The following HPS4 variants were observed in gnomAD, a reference collection of about 807,000 sequenced individuals.
The protein encoded by HPS4 is HPS4 biogenesis of lysosomal organelles complex 3 subunit 2.
HPS4 carries 44 observed loss-of-function variants against 70.3 expected under a neutral mutation model. The observed-to-expected ratio is 0.63, with a 90% CI of 0.49 to 0.80. The LOEUF (loss-of-function observed/expected upper bound fraction) is 0.80. Among genes scored for constraint, HPS4 ranks in the 30% least tolerant of loss-of-function variants. The pLI is 0.00. For missense variants in HPS4, 873 were observed against 884.4 expected, an observed-to-expected ratio of 0.99 and a Z score of 0.16; for synonymous variants, 377 against 355.9, an observed-to-expected ratio of 1.06 and a Z score of -0.67.
At chr22:26,444,946 C>A (rs956699971) in intron 3 of HPS4, 1 of 152,192 alleles carries the variant, frequency 6.6e-6, no homozygotes, top group Admixed American at 6.5e-5. Flanking sequence ...GCGCAGGTAC[C>A]TAGCTACCTG....
chr22:26,458,003 C>T, intron 12 of HPS4, 36 bp from the exon 13 acceptor site: 1 of 1,513,306 alleles, frequency 6.6e-7, no homozygotes, highest in Middle Eastern at 1.9e-4. Flanking sequence ...GAAGAGCAGA[C>T]AGTTACCTTC....
chr22:26,466,398 G>C, intron 8 of HPS4, 136 bp from the exon 9 acceptor site: 1 of 942,738 alleles, frequency 1.1e-6, no homozygotes, highest in Non-Finnish European at 1.7e-6. Flanking sequence ...CATGCTAAGA[G>C]CCAAGCAGAT....
downstream of HPS4, chr22:26,444,204 T>G (rs2084886587): frequency 6.6e-6 from 1 of 151,838 alleles, no homozygotes; most frequent in Non-Finnish European, 1.5e-5. Context: ...GTTTCTGTTT[T>G]GCTTTGGAGT....
chr22:26,453,293 G>A lies in HPS4; in HGVS notation c.2067C>T (p.Ala689=). The A allele has an allele frequency of 6.2e-7, 1 of 1,614,218 alleles. No individual in the cohort carries two copies. The change falls in exon 14 of 14, where the codon GCC becomes GCT. Residue 689 remains alanine, a synonymous_variant. Coordinates refer to ENST00000398145, the MANE Select transcript of HPS4 (RefSeq NM_022081.6). ...SSGFPNPQDG[A]FSLSGKAKQK... The stretch of plus-strand genomic sequence containing the variant: ...GCTTTGCTTTGCCGGAGAGGCTGAA[G>A]GCGCCATCCTGAGGGTTTGGGAAGC...
intron 7 of HPS4, 101 bp downstream of exon 7, chr22:26,470,618 C>G (rs1023798780): frequency 1.0e-5 from 12 of 1,173,888 alleles, no homozygotes; most frequent in East Asian, 4.8e-5. Flanking sequence ...CCACTTGGAA[C>G]TGGCCAGAGA....
At chr22:26,450,646 C>T (rs890716568), downstream of HPS4, among the ~76,000 whole-genome samples, 6 of 152,196 alleles carry the variant, frequency 3.9e-5, no homozygotes, top group East Asian at 3.9e-4. Flanking sequence ...CCCCACATGT[C>T]GTGGGAGGGA....
chr22:26,464,433 A>T lies in HPS4; in HGVS notation c.1197T>A (p.Ala399=), dbSNP rs373523675. ...CGCTGAGAGATGCCTTGCAGTAAGG[A>T]GCCCTGCCATCTGGAACAGGCACAT... ...FLHVPVPDGR[A]PYCKASLSAS... The change falls in exon 11 of 14, where the codon GCT becomes GCA. Residue 399 remains alanine, a synonymous_variant. Transcript: ENST00000398145. 2.7e-5 allele frequency: 44 copies of T among 1,614,186 alleles called. No homozygotes were observed. In the African/African-American group the frequency reaches 5.3e-4, roughly 20 times the overall value.
rs758970516 is a variant in HPS4 at position 26,458,506 on chromosome 22, T to C, written c.1785A>G (p.Ala595=). 6.8e-6 allele frequency: 11 copies of C among 1,614,070 alleles called. No homozygotes were observed. The East Asian group carries it at 2.2e-4, about 33-fold the overall frequency. ...HLKETLPRDE[A]ASTSSTYNFT... is the part of the protein sequence containing the mutation. Reference sequence around the variant, plus strand: ...AGTTGTAGGTGCTGCTCGTGGAGGCTGCCTCATCCCTGGGCAGCGTCTCTT... The same window carrying C: ...AGTTGTAGGTGCTGCTCGTGGAGGCCGCCTCATCCCTGGGCAGCGTCTCTT... The change falls in exon 12 of 14, where the codon GCA becomes GCG. Residue 595 remains alanine, a synonymous_variant. Coordinates refer to ENST00000398145, the MANE Select transcript of HPS4 (RefSeq NM_022081.6).
rs1054323021 is a variant in HPS4, at chr22:26,458,685, G to A, written c.1714-108C>T. On this transcript the variant is annotated intron_variant, in intron 11 of 13. Transcript: ENST00000398145. ...AAAAAAAAATCCTCCAGCCAGGCAC[G>A]GTGGCTCACACCTGTAATCCCAGTG... is the stretch of plus-strand genomic sequence containing the variant. 1.8e-4 allele frequency: 236 copies of A among 1,315,426 alleles called. 1 individual carries two copies. Among genetic ancestry groups the A allele is most frequent in the South Asian group, 3.4e-4 (26 of 75,634 alleles). 81.5% of individuals were successfully genotyped at this position (1,315,426 alleles called of 1,614,324 possible).
At chr22:26,443,511 T>C (rs1003916454), downstream of HPS4, 7 of 241,346 alleles carry the variant, frequency 2.9e-5, no homozygotes, top group African/African-American at 1.4e-4. Flanking sequence ...CTTAGTGCCC[T>C]TGTAAGTCTG....
At chr22:26,474,325 T>C (rs1367966415) in intron 4 of HPS4, among the ~76,000 whole-genome samples, 2 of 150,372 alleles carry the variant, frequency 1.3e-5, no homozygotes. Context: ...GGAAATCCAA[T>C]AGGGAAAGGA....
Position 26,472,842 on chromosome 22 carries a change from A to G in HPS4, c.374T>C (p.Leu125Pro), listed in dbSNP as rs2090027205. The change falls in exon 5 of 14, where the codon CTA (leucine) becomes CCA (proline). Residue 125 changes from leucine to proline, a missense_variant. Leu to Pro is a moderately conservative substitution (Grantham distance 98). Coordinates refer to ENST00000398145, the MANE Select transcript of HPS4 (RefSeq NM_022081.6). Reference sequence around the variant, plus strand: ...ACCCCATACTTGTACCTCATAAGCTAGGGAAACAGGTCCATTGTAAAAATT... The same window carrying G: ...ACCCCATACTTGTACCTCATAAGCTGGGGAAACAGGTCCATTGTAAAAATT... ...FFNFYNGPVS[L>P]AYENCSQEEL... The G allele has an allele frequency of 4.3e-6, 7 of 1,613,268 alleles. No individual in the cohort carries two copies. The East Asian group carries it at 1.3e-4, about 31-fold the overall frequency.
rs780435239 is a variant in HPS4, at chr22:26,464,432, G to C, written c.1198C>G (p.Pro400Ala). Reference sequence around the variant, plus strand: ...GCGCTGAGAGATGCCTTGCAGTAAGGAGCCCTGCCATCTGGAACAGGCACA... The same window carrying C: ...GCGCTGAGAGATGCCTTGCAGTAAGCAGCCCTGCCATCTGGAACAGGCACA... ...LHVPVPDGRA[P>A]YCKASLSASS... The change falls in exon 11 of 14, where the codon CCT becomes GCT. Residue 400 changes from proline to alanine, a missense_variant. Pro to Ala is a conservative substitution (Grantham distance 27). Coordinates refer to ENST00000398145, the MANE Select transcript of HPS4 (RefSeq NM_022081.6). The C allele has an allele frequency of 9.9e-6, 16 of 1,614,074 alleles. No homozygotes were observed. The highest frequency in any genetic ancestry group is 1.4e-5 in the Non-Finnish European group (16 of 1,180,036).
At position 26,472,828 on chromosome 22, in the gene HPS4, G is replaced by A; in HGVS notation, c.384+4C>T. 2 of 1,607,624 alleles carry A rather than the reference G, an allele frequency of 1.2e-6. No homozygotes were observed. The highest frequency in any genetic ancestry group is 1.1e-5 in the South Asian group (1 of 90,932). On this transcript the variant is annotated splice_donor_region_variant and intron_variant, in intron 5 of 13. Coordinates refer to ENST00000398145, the MANE Select transcript of HPS4 (RefSeq NM_022081.6). The stretch of plus-strand genomic sequence containing the variant: ...TGTAAGACTCCTCAACCCCATACTT[G>A]TACCTCATAAGCTAGGGAAACAGGT...
At position 26,477,142 on chromosome 22, in the gene HPS4, G is replaced by A. The variant is rs571184796; in HGVS notation, c.133-6C>T. Reference sequence around the variant, plus strand: ...TCCTGTTGGTCTAGCAGGGTCTGTGGGAAAGGAGCACATTCCAGATAGGAA... The same window carrying A: ...TCCTGTTGGTCTAGCAGGGTCTGTGAGAAAGGAGCACATTCCAGATAGGAA... On this transcript the variant is annotated splice_region_variant and splice_polypyrimidine_tract_variant and intron_variant, in intron 3 of 13. Coordinates refer to ENST00000398145, the MANE Select transcript of HPS4 (RefSeq NM_022081.6). The A allele has an allele frequency of 8.2e-5, 132 of 1,614,094 alleles. 1 individual carries two copies. In the South Asian group the frequency reaches 1.4e-3, roughly 17 times the overall value.
At chr22:26,462,436 G>A (rs1388840699) in intron 11 of HPS4, among the ~76,000 whole-genome samples, 2 of 152,250 alleles carry the variant, frequency 1.3e-5, no homozygotes, top group Non-Finnish European at 2.9e-5. Context: ...GCCACTTGCA[G>A]GAAGTCTTTT....
At chr22:26,472,050 T>C (rs2089894548) in intron 6 of HPS4, among the ~76,000 whole-genome samples, 2 of 152,224 alleles carry the variant, frequency 1.3e-5, no homozygotes, top group Non-Finnish European at 2.9e-5. Context: ...TTCCCTTTAC[T>C]GAGCATTTAC....
intron 6 of HPS4, chr22:26,471,017 C>T (rs2089718356): frequency 5.7e-6 from 6 of 1,058,558 alleles, no homozygotes; most frequent in Non-Finnish European, 7.0e-6. Flanking sequence ...CCACTAAATG[C>T]CAAATTCTTA....
intron 9 of HPS4, 78 bp downstream of exon 9, chr22:26,466,148 C>A (rs376031625): frequency 2.5e-6 from 4 of 1,612,130 alleles, no homozygotes; most frequent in Non-Finnish European, 3.4e-6. Context: ...GCTTGGTTTC[C>A]TTCGCATAAC....
Sources: gnomAD v4.1 joint callset for allele counts (sites outside exome capture counted in the v4.1 genomes callset) on GRCh38, gnomAD v4.1.1 for gene constraint, MANE v1.5 for transcripts, NCBI Gene and HGNC (gene_info 2026-07-23, HGNC 2026-07-21) for gene names.